HDLBP: variants seen among roughly 807,000 people sequenced by gnomAD.
HDLBP encodes high density lipoprotein binding protein.
A neutral mutation model predicts 137.3 loss-of-function variants in HDLBP; 30 were observed. The observed-to-expected ratio is 0.22, with a 90% CI of 0.16 to 0.30. The LOEUF (loss-of-function observed/expected upper bound fraction) is 0.30. Among genes scored for constraint, HDLBP ranks in the 10% least tolerant of loss-of-function variants. HDLBP has a pLI of 1.00. For synonymous variants in HDLBP, 606 were observed against 596.0 expected (o/e 1.02, Z -0.24); for missense variants, 1,119 against 1,667.3 (o/e 0.67, Z 5.73).
chr2:241,258,969 G>C (rs991978927), intron 5 of HDLBP, among the ~76,000 whole-genome samples: 1 of 152,074 alleles, frequency 6.6e-6, no homozygotes, highest in African/African-American at 2.4e-5. Context: ...TCACTTCTAG[G>C]AATCTATCCC....
At chr2:241,302,460 T>C (rs1219611924) in intron 1 of HDLBP, among the ~76,000 whole-genome samples, 1 of 152,190 alleles carries the variant, frequency 6.6e-6, no homozygotes, top group Non-Finnish European at 1.5e-5. Flanking sequence ...GGAGGATTAC[T>C]TGAGCTCAGG....
intron 1 of HDLBP, chr2:241,269,651 A>C (rs2149562758): frequency 6.6e-6 from 1 of 152,380 alleles, no homozygotes; most frequent in East Asian, 1.9e-4. Flanking sequence ...GGACAAACTG[A>C]TCAAGAGTAT....
Position 241,278,311 on chromosome 2 carries a change from C to T in HDLBP, c.-102-9770G>A, listed in dbSNP as rs538939195. 2.5e-4 allele frequency among the ~76,000 whole-genome samples: 38 copies of T among 152,160 alleles called. 1 individual carries two copies. Among genetic ancestry groups the T allele is most frequent in the Middle Eastern group, 6.8e-3 (2 of 294 alleles). On this transcript the variant is annotated intron_variant, in intron 1 of 27. Coordinates refer to ENST00000310931, the MANE Select transcript of HDLBP (RefSeq NM_005336.6). ...TCAAAAGATTCAAATAGGCTGGGCA[C>T]GGTGGCTCGTGCCTGTAATCCCAGC...
At chr2:241,273,032 T>G in intron 1 of HDLBP, 1 of 985,202 alleles carries the variant, frequency 1.0e-6, no homozygotes, top group Non-Finnish European at 1.2e-6. Flanking sequence ...GGGAAATTAA[T>G]CACCTCCAGA....
intron 1 of HDLBP, among the ~76,000 whole-genome samples, chr2:241,279,060 AT>A (rs56785584): frequency 0.54 from 80,263 of 149,688 alleles, 22,073 homozygotes; most frequent in East Asian, 0.78. Context: ...TTAAAATCTA[AT>A]TAAGAAAAAA....
chr2:241,262,992 A>C, intron 4 of HDLBP, 66 bp from the exon 5 acceptor site: 1 of 1,234,374 alleles, frequency 8.1e-7, no homozygotes, highest in Non-Finnish European at 1.2e-6. Context: ...ATAGGGAGTA[A>C]AGAACATGTG....
chr2:241,235,760 G>T, intron 21 of HDLBP, 166 bp from the exon 22 acceptor site: 1 of 578,388 alleles, frequency 1.7e-6, no homozygotes, highest in South Asian at 2.3e-5. Flanking sequence ...GAAAAGAATA[G>T]GAAAAGATTT....
At chr2:241,242,389 A>G in intron 17 of HDLBP, 71 bp downstream of exon 17, 1 of 1,316,236 alleles carries the variant, frequency 7.6e-7, no homozygotes, top group Non-Finnish European at 1.1e-6. Flanking sequence ...GGGTTTCCAC[A>G]GTGAGAAGCG....
intron 1 of HDLBP, among the ~76,000 whole-genome samples, chr2:241,274,058 G>T (rs1046995564): frequency 1.3e-5 from 2 of 152,162 alleles, no homozygotes; most frequent in Non-Finnish European, 2.9e-5. Flanking sequence ...AAGAAGTTAA[G>T]AAAGACACAG....
At chr2:241,254,730 G>A (rs1223426941) in intron 9 of HDLBP, among the ~76,000 whole-genome samples, 1 of 148,502 alleles carries the variant, frequency 6.7e-6, no homozygotes, top group East Asian at 1.9e-4. Flanking sequence ...ATGAGCCACC[G>A]CACCCGGCCC....
At chr2:241,264,647 G>A (rs1200248817) in intron 3 of HDLBP, 42 bp from the exon 4 acceptor site, 2 of 1,583,138 alleles carry the variant, frequency 1.3e-6, no homozygotes, top group South Asian at 2.2e-5. Flanking sequence ...ACTACTTTTA[G>A]CATTACATGA....
chr2:241,248,152 G>C lies in HDLBP; in HGVS notation c.1618-36C>G, dbSNP rs1465013252. 4.5e-6 allele frequency: 7 copies of C among 1,571,942 alleles called. No homozygotes were observed. In the Admixed American group the frequency reaches 1.2e-4, roughly 26 times the overall value. On this transcript the variant is annotated intron_variant, in intron 13 of 27. Transcript: ENST00000310931. ...TCATGGGGAGACTAAGTTCAAGTAT[G>C]AGGAAGGACATATATCCCAAATATC...
rs1278545226 is a variant in HDLBP at position 241,233,841 on chromosome 2, AGGAAACT to A, written c.3260_3266del (p.Gln1087LeufsTer30). ...TCACCTGGTTCCCATCGTCCTTATC[AGGAAACT>A]GGATGTTCACGTCATGCTCCAACCG... On this transcript the variant is annotated frameshift_variant, in exon 24 of 28. Coordinates refer to ENST00000310931, the MANE Select transcript of HDLBP (RefSeq NM_005336.6). LOFTEE classifies it high-confidence loss of function. This position sits in a 1 kb window ranked among gnomAD's most constrained non-coding sequence, Gnocchi z 4.3. 6.2e-7 allele frequency: 1 copy of A among 1,614,186 alleles called. No homozygotes were observed. The highest frequency in any genetic ancestry group is 1.7e-5 in the Admixed American group (1 of 60,026).
rs1052557893 is a variant in HDLBP, at chr2:241,239,267, T to C, written c.2610+335A>G. On this transcript the variant is annotated intron_variant, in intron 19 of 27. Coordinates refer to ENST00000310931, the MANE Select transcript of HDLBP (RefSeq NM_005336.6). The surrounding 1 kb of genome is among the most constrained non-coding windows in gnomAD (Gnocchi z 4.6). Reference sequence around the variant, plus strand: ...AGAGGGGAGAAGAGAGCTGACCCCTTAGACTGCATTTTCATTTTTCCTGAT... The same window carrying C: ...AGAGGGGAGAAGAGAGCTGACCCCTCAGACTGCATTTTCATTTTTCCTGAT... Among the ~76,000 whole-genome samples the C allele has an allele frequency of 2.0e-5, 3 of 152,224 alleles. No individual in the cohort carries two copies. The highest frequency in any genetic ancestry group is 4.8e-5 in the African/African-American group (2 of 41,464).
At position 241,267,858 on chromosome 2, in the gene HDLBP, C is replaced by T. The variant is rs74000626; in HGVS notation, c.-38+619G>A. 4,774 of 1,429,514 alleles carry T rather than the reference C, an allele frequency of 3.3e-3. 146 individuals carry two copies. The African/African-American group carries it at 0.06, about 18-fold the overall frequency. 88.6% of individuals were successfully genotyped at this position (1,429,514 alleles called of 1,614,324 possible). ...CTCGCACAGCAGGGGAAACCTGGCCCAAGGGCGCTGAGTTTCTCATTAGCA... is the reference window on the plus strand; with the variant it reads ...CTCGCACAGCAGGGGAAACCTGGCCTAAGGGCGCTGAGTTTCTCATTAGCA... On this transcript the variant is annotated intron_variant, in intron 2 of 27. Transcript: ENST00000310931.
chr2:241,233,494 C>T lies in HDLBP; in HGVS notation c.3288+326G>A, dbSNP rs1409127268. 6.6e-6 allele frequency among the ~76,000 whole-genome samples: 1 copy of T among 152,136 alleles called. No individual in the cohort carries two copies. Among genetic ancestry groups the T allele is most frequent in the Non-Finnish European group, 1.5e-5 (1 of 68,022 alleles). ...GGTGAATGAGAGCCCTTGGGAGCCT[C>T]AGAGAGGCCCGGGTGACAGGTGAAT... On this transcript the variant is annotated intron_variant, in intron 24 of 27. Transcript: ENST00000310931. This position sits in a 1 kb window ranked among gnomAD's most constrained non-coding sequence, Gnocchi z 4.3.
At chr2:241,290,890 T>C (rs1178004093) in intron 1 of HDLBP, among the ~76,000 whole-genome samples, 1 of 152,220 alleles carries the variant, frequency 6.6e-6, no homozygotes, top group African/African-American at 2.4e-5. Context: ...ATCCTAATAA[T>C]GTCAGTATCG....
At chr2:241,296,698 A>T (rs1327670210) in intron 1 of HDLBP, among the ~76,000 whole-genome samples, 1 of 152,264 alleles carries the variant, frequency 6.6e-6, no homozygotes, top group African/African-American at 2.4e-5. Flanking sequence ...AGATGAACAA[A>T]AGTGATCATT....
At chr2:241,234,236 GAC>G (rs754710017) in intron 23 of HDLBP, among the ~76,000 whole-genome samples, 26 of 152,236 alleles carry the variant, frequency 1.7e-4, no homozygotes, top group Non-Finnish European at 3.4e-4. Context: ...CTCAGGAACT[GAC>G]AGAGCTAGGC....
Sources: allele counts gnomAD v4.1 joint callset (sites outside exome capture counted in the v4.1 genomes callset), GRCh38; gene constraint gnomAD v4.1.1; non-coding constraint Gnocchi (gnomAD v3.1); transcripts MANE v1.5; gene names NCBI Gene and HGNC (gene_info 2026-07-23, HGNC 2026-07-21).